Variants in CADM1 observed in about 807,000 individuals in gnomAD.
CADM1 encodes cell adhesion molecule 1, also known as TSLC-1.
CADM1 carries 15 observed loss-of-function variants against 53.1 expected under a neutral mutation model. That is an observed-to-expected ratio of 0.28 (90% CI 0.19 to 0.44). The LOEUF (loss-of-function observed/expected upper bound fraction) is 0.44, where lower values mean the gene tolerates loss of function less well. Ranked by LOEUF, CADM1 falls within the 20% of genes least tolerant of loss-of-function variation. The probability of loss-of-function intolerance (pLI) is 1.00; values close to 1 mark genes in which losing one functional copy is unlikely to be tolerated. For synonymous variants in CADM1, 281 were observed against 243.0 expected (o/e 1.16, Z -1.45); for missense variants, 434 against 611.3 (o/e 0.71, Z 3.06).
At chr11:115,341,626 A>G (rs1287322522) in intron 1 of CADM1, among the ~76,000 whole-genome samples, 1 of 152,234 alleles carries the variant, frequency 6.6e-6, no homozygotes, top group Non-Finnish European at 1.5e-5. Context: ...ACCTAGAAAT[A>G]ACATACAAAA....
Position 115,238,497 on chromosome 11 carries a change from T to TA in CADM1, c.424+2dup. The stretch of plus-strand genomic sequence containing the variant: ...CCGGGTAAGCCCCACATGCGTTTCT[T>TA]ACCCAGGACTGTGATGGTGGTGTAA... On this transcript the variant is annotated splice_region_variant and intron_variant, in intron 3 of 11. Transcript: ENST00000331581. 6.2e-7 allele frequency: 1 copy of TA among 1,613,900 alleles called. No homozygotes were observed.
chr11:115,469,579 T>A (rs1948966263), intron 1 of CADM1, among the ~76,000 whole-genome samples: 2 of 152,154 alleles, frequency 1.3e-5, no homozygotes, highest in Non-Finnish European at 2.9e-5. Context: ...CAAACTACTC[T>A]GCTACTTGGT....
intron 1 of CADM1, among the ~76,000 whole-genome samples, chr11:115,277,387 T>C (rs1943473747): frequency 6.6e-6 from 1 of 152,164 alleles, no homozygotes; most frequent in African/African-American, 2.4e-5. Flanking sequence ...AACACTATCA[T>C]TAATAATAAT....
chr11:115,382,909 A>G (rs1946613643), intron 1 of CADM1, among the ~76,000 whole-genome samples: 1 of 152,338 alleles, frequency 6.6e-6, no homozygotes. Flanking sequence ...GTCTCCCTTT[A>G]AAGGGAAATG....
intron 1 of CADM1, among the ~76,000 whole-genome samples, chr11:115,360,510 A>C (rs1476356178): frequency 2.0e-5 from 3 of 152,222 alleles, no homozygotes; most frequent in African/African-American, 7.2e-5. Flanking sequence ...AAATGCTGAC[A>C]CCAAAAAGGC....
chr11:115,358,363 A>T (rs1945933278), intron 1 of CADM1, among the ~76,000 whole-genome samples: 1 of 152,216 alleles, frequency 6.6e-6, no homozygotes, highest in Admixed American at 6.6e-5. Flanking sequence ...AGGAGGCCTT[A>T]CAATCATGGC....
intron 1 of CADM1, among the ~76,000 whole-genome samples, chr11:115,242,722 T>A (rs539985440): frequency 3.9e-5 from 6 of 152,188 alleles, no homozygotes; most frequent in Non-Finnish European, 7.4e-5. Flanking sequence ...ATTAGCAACA[T>A]AAATAATCTT....
chr11:115,459,178 T>G (rs1282784266), intron 1 of CADM1, among the ~76,000 whole-genome samples: 1 of 152,178 alleles, frequency 6.6e-6, no homozygotes, highest in African/African-American at 2.4e-5. Context: ...TGCTGCACAA[T>G]GCACTTCTGT....
intron 1 of CADM1, among the ~76,000 whole-genome samples, chr11:115,461,709 G>A (rs1948798564): frequency 6.6e-6 from 1 of 152,192 alleles, no homozygotes; most frequent in Non-Finnish European, 1.5e-5. Context: ...CATAGGGGCA[G>A]CCTTTCTAAT....
At chr11:115,452,578 T>C (rs1340965034) in intron 1 of CADM1, among the ~76,000 whole-genome samples, 1 of 152,214 alleles carries the variant, frequency 6.6e-6, no homozygotes, top group African/African-American at 2.4e-5. Context: ...ATTATAGGGA[T>C]GGATTTCCAG....
chr11:115,348,216 C>T (rs1051487115), intron 1 of CADM1, among the ~76,000 whole-genome samples: 1 of 152,098 alleles, frequency 6.6e-6, no homozygotes, highest in African/African-American at 2.4e-5. Context: ...TCTACATAAA[C>T]CTTAACTACC....
chr11:115,410,691 A>C (rs1479531525), intron 1 of CADM1, among the ~76,000 whole-genome samples: 1 of 152,240 alleles, frequency 6.6e-6, no homozygotes, highest in South Asian at 2.1e-4. Flanking sequence ...AACCAAACAC[A>C]TAAGAGACAG....
chr11:115,480,759 A>C lies in CADM1; in HGVS notation c.124+23512T>G, dbSNP rs1348420817. ...TTCTCACCCTGCACAGCTCCATCTC[A>C]CCATCAACAGGTTTAGCATGGGATC... On this transcript the variant is annotated intron_variant, in intron 1 of 11. Coordinates refer to ENST00000331581, the MANE Select transcript of CADM1 (RefSeq NM_001301043.2). Among the ~76,000 whole-genome samples the C allele has an allele frequency of 2.6e-5, 4 of 151,914 alleles. No individual in the cohort carries two copies. The East Asian group carries it at 7.7e-4, about 29-fold the overall frequency.
chr11:115,172,931 G>A lies in CADM1; in HGVS notation c.*3543C>T, dbSNP rs1175582266. On this transcript the variant is annotated 3_prime_UTR_variant, in exon 12 of 12. Transcript: ENST00000331581. ...CAGCTGAGGGGATGGTGGGAAAAGGGCACTTTGGGCCTGGCCAGACGTTAT... is the reference window on the plus strand; with the variant it reads ...CAGCTGAGGGGATGGTGGGAAAAGGACACTTTGGGCCTGGCCAGACGTTAT... The A allele has an allele frequency of 6.6e-6, 1 of 151,982 alleles. No individual in the cohort carries two copies. Among genetic ancestry groups the A allele is most frequent in the African/African-American group, 2.4e-5 (1 of 41,344 alleles). The allele number at this position is 151,982 out of a possible 1,614,324, so 9.4% of individuals were successfully genotyped here. A position where few individuals can be genotyped will look rare whatever the true frequency, so the allele number is the denominator to read the frequency against.
At position 115,411,189 on chromosome 11, in the gene CADM1, G is replaced by A. The variant is rs148439321; in HGVS notation, c.124+93082C>T. 4.2e-3 allele frequency among the ~76,000 whole-genome samples: 633 copies of A among 152,232 alleles called. 4 individuals carry two copies. The highest frequency in any genetic ancestry group is 0.034 in the Middle Eastern group (10 of 294). Reference sequence around the variant, plus strand: ...GTAAACCTAATCAAGGAAAACTAGAGGATTTGCATAAAACTTGTAATGAAA... The same window carrying A: ...GTAAACCTAATCAAGGAAAACTAGAAGATTTGCATAAAACTTGTAATGAAA... On this transcript the variant is annotated intron_variant, in intron 1 of 11. Coordinates refer to ENST00000331581, the MANE Select transcript of CADM1 (RefSeq NM_001301043.2).
chr11:115,185,360 T>G (rs1738012551), intron 10 of CADM1, among the ~76,000 whole-genome samples: 2 of 152,228 alleles, frequency 1.3e-5, no homozygotes, highest in Admixed American at 6.5e-5. Flanking sequence ...GTTCTTTTCA[T>G]TTATACAGAA....
chr11:115,222,181 A>AGCGGGTCTGGGTC (rs1941431638), intron 5 of CADM1, among the ~76,000 whole-genome samples: 1 of 152,196 alleles, frequency 6.6e-6, no homozygotes, highest in East Asian at 1.9e-4. Flanking sequence ...ATGTCTGGGT[A>AGCGGGTCTGGGTC]GCGGGTCTGG....
chr11:115,173,725 T>A lies in CADM1; in HGVS notation c.*2749A>T. On this transcript the variant is annotated 3_prime_UTR_variant, in exon 12 of 12. Transcript: ENST00000331581. ...TGTAAAAATGGTATACATGAACCAA[T>A]ACAAAATGCGAATGGGAACATATGG... The A allele has an allele frequency of 2.4e-6, 2 of 840,466 alleles. No homozygotes were observed. Among genetic ancestry groups the A allele is most frequent in the Non-Finnish European group, 2.9e-6 (2 of 698,628 alleles). The allele number at this position is 840,466 out of a possible 1,614,324, so 52.1% of individuals were successfully genotyped here.
chr11:115,198,503 G>A lies in CADM1; in HGVS notation c.1079-65C>T, dbSNP rs1940270541. ...AGGAGGAACGGCATGCAAAAAAAGGGAAAATGGAAAAAAAATGGAACAGAT... is the reference window on the plus strand; with the variant it reads ...AGGAGGAACGGCATGCAAAAAAAGGAAAAATGGAAAAAAAATGGAACAGAT... On this transcript the variant is annotated intron_variant, in intron 8 of 11. Transcript: ENST00000331581. 6 of 1,272,414 alleles carry A rather than the reference G, an allele frequency of 4.7e-6. No individual in the cohort carries two copies. In the Admixed American group the frequency reaches 9.3e-5, roughly 20 times the overall value. 78.8% of individuals were successfully genotyped at this position (1,272,414 alleles called of 1,614,324 possible). A position where few individuals can be genotyped will look rare whatever the true frequency, so the allele number is the denominator to read the frequency against.
Sources: allele counts gnomAD v4.1 joint callset (sites outside exome capture counted in the v4.1 genomes callset), GRCh38; gene constraint gnomAD v4.1.1; transcripts MANE v1.5; gene names NCBI Gene and HGNC (gene_info 2026-07-23, HGNC 2026-07-21).